Variants in SOX5 observed in about 807,000 individuals in gnomAD.
SOX5 encodes SRY-box transcription factor 5.
In SOX5, 9 loss-of-function variants were observed where a neutral mutation model predicts 92.0. That is an observed-to-expected ratio of 0.10 (90% CI 0.06 to 0.17). The LOEUF (loss-of-function observed/expected upper bound fraction) is 0.17, where lower values mean the gene tolerates loss of function less well. SOX5 is among the 10% of genes least tolerant of loss of function. SOX5 has a pLI of 1.00. For synonymous variants in SOX5, 344 were observed against 336.3 expected, an observed-to-expected ratio of 1.02 and a Z score of -0.25; for missense variants, 642 against 944.5, an observed-to-expected ratio of 0.68 and a Z score of 4.20.
chr12:23,608,108 G>GAAAAAAAAAAAAAA (rs1566278538), intron 8 of SOX5, among the ~76,000 whole-genome samples: 5 of 5,676 alleles, frequency 8.8e-4, no homozygotes, highest in African/African-American at 1.3e-3. Context: ...TGTCTCAAAA[G>GAAAAAAAAAAAAAA]AAAAAAGAAA....
intron 3 of SOX5, among the ~76,000 whole-genome samples, chr12:24,271,742 T>C (rs1943766808): frequency 6.6e-6 from 1 of 152,230 alleles, no homozygotes; most frequent in Non-Finnish European, 1.5e-5. Flanking sequence ...TTCTCCACTT[T>C]AAAGGACTGC....
intron 4 of SOX5, among the ~76,000 whole-genome samples, chr12:24,013,664 G>C (rs755214221): frequency 2.6e-5 from 4 of 152,076 alleles, no homozygotes; most frequent in East Asian, 1.9e-4. Context: ...GGGACTCATG[G>C]GAAAATTGCA....
At chr12:24,114,610 C>T (rs1051072500) in intron 4 of SOX5, among the ~76,000 whole-genome samples, 1 of 81,498 alleles carries the variant, frequency 1.2e-5, no homozygotes, top group Non-Finnish European at 2.6e-5. Context: ...AAAAAATTAA[C>T]AGACTTGAAA....
chr12:24,490,017 C>T lies in SOX5; in HGVS notation c.-251+72312G>A, dbSNP rs116361333. Among the ~76,000 whole-genome samples the T allele has an allele frequency of 3.0e-3, 464 of 152,340 alleles. 4 individuals are homozygous for T. Among genetic ancestry groups the T allele is most frequent in the African/African-American group, 9.6e-3 (401 of 41,572 alleles). On this transcript the variant is annotated intron_variant, in intron 1 of 4. Coordinates refer to the SOX5 transcript ENST00000446891. The stretch of plus-strand genomic sequence containing the variant: ...CCACAGATACAGAAGGCAAAATCAG[C>T]GTAGAAGCCCTCACAGCAAACCTCT...
intron 1 of SOX5, among the ~76,000 whole-genome samples, chr12:24,481,350 T>A (rs1408802632): frequency 6.6e-6 from 1 of 152,122 alleles, no homozygotes; most frequent in African/African-American, 2.4e-5. Flanking sequence ...ACCTAGTATA[T>A]GATAGCTCAA....
At chr12:23,857,526 C>G (rs1342966336) in intron 2 of SOX5, among the ~76,000 whole-genome samples, 1 of 152,090 alleles carries the variant, frequency 6.6e-6, no homozygotes, top group Non-Finnish European at 1.5e-5. Context: ...TTTTCCAAAC[C>G]TTATATATTC....
intron 4 of SOX5, among the ~76,000 whole-genome samples, chr12:24,150,874 A>G (rs7138615): frequency 0.69 from 104,954 of 151,518 alleles, 36,637 homozygotes; most frequent in East Asian, 0.99. Flanking sequence ...AGATCTCAGT[A>G]AATTTTTTGA....
At chr12:24,347,621 G>A (rs571727961) in intron 2 of SOX5, among the ~76,000 whole-genome samples, 4 of 152,190 alleles carry the variant, frequency 2.6e-5, no homozygotes, top group East Asian at 1.9e-4. Flanking sequence ...GGGATTTAAC[G>A]ATAAAATATG....
chr12:24,039,506 TA>T (rs1956331467), intron 4 of SOX5, among the ~76,000 whole-genome samples: 1 of 152,020 alleles, frequency 6.6e-6, no homozygotes, highest in Admixed American at 6.6e-5. Flanking sequence ...CAGAAAAAAA[TA>T]AAAATAAAAC....
Position 24,506,784 on chromosome 12 carries a change from C to CTTTTTTTTTTTTTTTTTTTTTTTTTTT in SOX5, c.-251+55544_-251+55545insAAAAAAAAAAAAAAAAAAAAAAAAAAA, listed in dbSNP as rs386375924. Among the ~76,000 whole-genome samples, 42 of 81,770 alleles carry CTTTTTTTTTTTTTTTTTTTTTTTTTTT rather than the reference C, an allele frequency of 5.1e-4. 7 individuals are homozygous for CTTTTTTTTTTTTTTTTTTTTTTTTTTT. Among genetic ancestry groups the CTTTTTTTTTTTTTTTTTTTTTTTTTTT allele is most frequent in the East Asian group, 9.6e-4 (2 of 2,076 alleles). 53.6% of individuals were successfully genotyped at this position (81,770 alleles called of 152,430 possible). ...CTGTATTTCATGGTATCCAAATGGT[C>CTTTTTTTTTTTTTTTTTTTTTTTTTTT]TTTTTTTTTTTTTTTTTTTTTTGGA... On this transcript the variant is annotated intron_variant, in intron 1 of 4. Coordinates refer to the SOX5 transcript ENST00000446891.
intron 2 of SOX5, among the ~76,000 whole-genome samples, chr12:23,890,198 T>C (rs1001551963): frequency 3.3e-5 from 5 of 151,922 alleles, no homozygotes; most frequent in African/African-American, 9.7e-5. Context: ...CGGGTGCCTG[T>C]AATCCTGGCT....
intron 9 of SOX5, among the ~76,000 whole-genome samples, chr12:23,588,664 C>T (rs1325084273): frequency 6.6e-6 from 1 of 151,434 alleles, no homozygotes; most frequent in Non-Finnish European, 1.5e-5. Context: ...TGCTTTGGTC[C>T]ATCACATTGC....
At chr12:23,753,082 G>A (rs2094231510) in intron 4 of SOX5, among the ~76,000 whole-genome samples, 1 of 151,742 alleles carries the variant, frequency 6.6e-6, no homozygotes, top group African/African-American at 2.4e-5. Flanking sequence ...TTGACTTTAA[G>A]TGGGCATGAC....
intron 1 of SOX5, among the ~76,000 whole-genome samples, chr12:24,371,188 A>T (rs897334012): frequency 6.6e-6 from 1 of 152,222 alleles, no homozygotes; most frequent in Admixed American, 6.5e-5. Context: ...ATGTCTTCAG[A>T]ATAGAAAGTA....
chr12:23,651,467 C>T (rs188288454), intron 7 of SOX5, among the ~76,000 whole-genome samples: 2 of 152,000 alleles, frequency 1.3e-5, no homozygotes, highest in Non-Finnish European at 2.9e-5. Context: ...CAACTAATTT[C>T]CATTCAATTA....
intron 1 of SOX5, among the ~76,000 whole-genome samples, chr12:23,929,215 C>A (rs113467393): frequency 3.3e-5 from 5 of 151,850 alleles, no homozygotes; most frequent in African/African-American, 1.2e-4. Context: ...ACATTAAAGT[C>A]TGTAAAAAAC....
chr12:23,810,240 A>C (rs1159073924), intron 3 of SOX5, among the ~76,000 whole-genome samples: 1 of 152,154 alleles, frequency 6.6e-6, no homozygotes, highest in African/African-American at 2.4e-5. Flanking sequence ...ACACGACAGA[A>C]TATAGATAAG....
At chr12:24,463,516 C>G (rs975826335) in intron 1 of SOX5, among the ~76,000 whole-genome samples, 4 of 152,176 alleles carry the variant, frequency 2.6e-5, no homozygotes, top group African/African-American at 9.7e-5. Flanking sequence ...TTTTAAATTT[C>G]TAAACGCTTA....
At chr12:23,983,615 A>G (rs372094815) in intron 4 of SOX5, among the ~76,000 whole-genome samples, 1 of 152,226 alleles carries the variant, frequency 6.6e-6, no homozygotes, top group East Asian at 1.9e-4. Flanking sequence ...GAAAGCATAA[A>G]TCTAAAATCA....
Sources: gnomAD v4.1 joint callset for allele counts (sites outside exome capture counted in the v4.1 genomes callset) on GRCh38, gnomAD v4.1.1 for gene constraint, MANE v1.5 for transcripts, NCBI Gene and HGNC (gene_info 2026-07-23, HGNC 2026-07-21) for gene names.